The following KLF3 variants were observed in gnomAD, a reference collection of about 807,000 sequenced individuals.
KLF3 encodes Krueppel-like factor 3.
Under a neutral mutation model 32.7 loss-of-function variants are expected in KLF3, and 6 were observed. The observed-to-expected ratio is 0.18, with a 90% CI of 0.10 to 0.36. The LOEUF (loss-of-function observed/expected upper bound fraction) is 0.36, where lower values mean the gene tolerates loss of function less well. Among genes scored for constraint, KLF3 ranks in the 10% least tolerant of loss-of-function variants. The pLI is 1.00. For missense variants in KLF3, 338 were observed against 449.7 expected (o/e 0.75, Z 2.25); for synonymous variants, 145 against 172.8 (o/e 0.84, Z 1.26).
At chr4:38,690,009 A>G in intron 4 of KLF3, 130 bp downstream of exon 4, 1 of 833,100 alleles carries the variant, frequency 1.2e-6, no homozygotes, top group South Asian at 1.9e-5. Context: ...TGTGGCCGCC[A>G]CTGGTCCAGT....
rs552122055 is a variant in KLF3, at chr4:38,683,886, T to C, written c.57+3204T>C. On this transcript the variant is annotated intron_variant, in intron 2 of 5. Coordinates refer to ENST00000261438, the MANE Select transcript of KLF3 (RefSeq NM_016531.6). ...CTCTGCTCTTTTCTAACAGAAACTT[T>C]TCATGGCTTTTTCAAGCCTGGTGGA... Among the ~76,000 whole-genome samples, 144 of 152,286 alleles carry C rather than the reference T, an allele frequency of 9.5e-4. 1 individual carries two copies. The South Asian group carries it at 0.027, about 29-fold the overall frequency.
intron 1 of KLF3, among the ~76,000 whole-genome samples, chr4:38,668,247 G>T (rs1722099354): frequency 6.6e-6 from 1 of 151,696 alleles, no homozygotes; most frequent in Admixed American, 6.6e-5. Flanking sequence ...GTTTTCTGTT[G>T]GTTCTTGAGA....
At position 38,689,830 on chromosome 4, in the gene KLF3, T is replaced by TGTG; in HGVS notation, c.646_647insGTG (p.Ser216delinsCysAla). The TGTG allele has an allele frequency of 3.1e-6, 5 of 1,607,214 alleles. No homozygotes were observed. The highest frequency in any genetic ancestry group is 4.3e-6 in the Non-Finnish European group (5 of 1,174,444). On this transcript the variant is annotated protein_altering_variant, in exon 4 of 6. Coordinates refer to ENST00000261438, the MANE Select transcript of KLF3 (RefSeq NM_016531.6). The stretch of plus-strand genomic sequence containing the variant: ...GACAGATTATTATCCTGAAGAAATG[T>TGTG]CACCCCCCTTAATGAACTCAGTGTC...
intron 1 of KLF3, among the ~76,000 whole-genome samples, chr4:38,670,919 C>CT (rs2109237918): frequency 6.6e-6 from 1 of 152,338 alleles, no homozygotes; most frequent in African/African-American, 2.4e-5. Flanking sequence ...AATCATTACT[C>CT]TGAGTTATGC....
At chr4:38,689,190 A>G in intron 3 of KLF3, 119 bp downstream of exon 3, 1 of 1,270,586 alleles carries the variant, frequency 7.9e-7, no homozygotes, top group Non-Finnish European at 1.1e-6. Flanking sequence ...GGAAATACTC[A>G]TCTGCCTAAG....
chr4:38,694,731 C>T lies in KLF3; in HGVS notation c.696-15C>T. 1.3e-6 allele frequency: 2 copies of T among 1,544,216 alleles called. No homozygotes were observed. The highest frequency in any genetic ancestry group is 4.9e-5 in the East Asian group (2 of 41,212). On this transcript the variant is annotated splice_polypyrimidine_tract_variant and intron_variant, in intron 4 of 5. Transcript: ENST00000261438. ...CGTGCTCTCAACATTTGGCCTGTAA[C>T]CTTGGCTTTCACAGGAATCACCCTT... is the stretch of plus-strand genomic sequence containing the variant.
chr4:38,668,909 G>T (rs1170554233), intron 1 of KLF3, among the ~76,000 whole-genome samples: 2 of 152,158 alleles, frequency 1.3e-5, no homozygotes, highest in Non-Finnish European at 2.9e-5. Context: ...TCTTATAGTT[G>T]CTATGATTAC....
At chr4:38,694,268 T>A (rs1489244479) in intron 4 of KLF3, among the ~76,000 whole-genome samples, 2 of 152,192 alleles carry the variant, frequency 1.3e-5, no homozygotes, top group Non-Finnish European at 2.9e-5. Flanking sequence ...TTTGATCTTT[T>A]CCATTTTTCC....
At chr4:38,686,937 G>T (rs1461196905) in intron 2 of KLF3, among the ~76,000 whole-genome samples, 1 of 152,204 alleles carries the variant, frequency 6.6e-6, no homozygotes, top group African/African-American at 2.4e-5. Context: ...ATAACCAGCC[G>T]AGGATTCGCC....
At chr4:38,692,116 G>A (rs1388797671) in intron 4 of KLF3, among the ~76,000 whole-genome samples, 1 of 152,166 alleles carries the variant, frequency 6.6e-6, no homozygotes, top group Non-Finnish European at 1.5e-5. Flanking sequence ...AAAAGCATAA[G>A]GATCAGATTT....
intron 2 of KLF3, among the ~76,000 whole-genome samples, chr4:38,683,937 A>G (rs75023191): frequency 6.6e-6 from 1 of 152,082 alleles, no homozygotes; most frequent in African/African-American, 2.4e-5. Flanking sequence ...CTCTGTTTGC[A>G]TGGGGGTGCA....
At position 38,701,400 on chromosome 4, in the gene KLF3, C is replaced by T. The variant is rs1397590487; in HGVS notation, c.*4137C>T. Among the ~76,000 whole-genome samples, 4 of 152,126 alleles carry T rather than the reference C, an allele frequency of 2.6e-5. No homozygotes were observed. Among genetic ancestry groups the T allele is most frequent in the Admixed American group, 1.3e-4 (2 of 15,260 alleles). ...ACTTGCAGCATTTTGTATTAAAAGA[C>T]GCATGTGTATAATACTTTAAACTTT... On this transcript the variant is annotated 3_prime_UTR_variant, in exon 6 of 6. Coordinates refer to ENST00000261438, the MANE Select transcript of KLF3 (RefSeq NM_016531.6).
At chr4:38,684,981 G>A (rs1023556862) in intron 2 of KLF3, among the ~76,000 whole-genome samples, 2 of 152,186 alleles carry the variant, frequency 1.3e-5, no homozygotes, top group African/African-American at 4.8e-5. Context: ...GGACTAAGCA[G>A]CATGCACAGA....
At position 38,700,027 on chromosome 4, in the gene KLF3, TTC is replaced by T. The variant is rs1438443152; in HGVS notation, c.*2766_*2767del. The stretch of plus-strand genomic sequence containing the variant: ...AAACATGAAGTTACTATTACGTAAA[TTC>T]TGTTTGTTATAGAGTTTCTTCAGTT... On this transcript the variant is annotated 3_prime_UTR_variant, in exon 6 of 6. Transcript: ENST00000261438. The T allele has an allele frequency of 2.6e-5, 4 of 152,240 alleles. No individual in the cohort carries two copies. Among genetic ancestry groups the T allele is most frequent in the South Asian group, 4.1e-4 (2 of 4,830 alleles). 9.4% of individuals were successfully genotyped at this position (152,240 alleles called of 1,614,324 possible). A position where few individuals can be genotyped will look rare whatever the true frequency, so the allele number is the denominator to read the frequency against.
Position 38,689,029 on chromosome 4 carries a change from T to C in KLF3, c.502T>C (p.Ser168Pro), listed in dbSNP as rs1293934980. 2 of 1,614,048 alleles carry C rather than the reference T, an allele frequency of 1.2e-6. No individual in the cohort carries two copies. The highest frequency in any genetic ancestry group is 1.3e-5 in the African/African-American group (1 of 74,944). The change falls in exon 3 of 6, where the codon TCC (serine) becomes CCC (proline). Residue 168 changes from serine (S) to proline (P), a missense_variant. Ser to Pro is a moderately conservative substitution (Grantham distance 74). Transcript: ENST00000261438. ...TSHLQQPLMV[S>P]LSEEMENSSS... ...TCACCTCCAGCAGCCTCTCATGGTC[T>C]CCTTATCGGAGGAGATGGAAAATTC...
At position 38,694,932 on chromosome 4, in the gene KLF3, A is replaced by G. The variant is rs752825152; in HGVS notation, c.856+26A>G. 1.9e-6 allele frequency: 3 copies of G among 1,566,724 alleles called. No homozygotes were observed. In the South Asian group the frequency reaches 3.7e-5, roughly 19 times the overall value. ...GTAATAGAAACACCAGACCCACTTC[A>G]TCTTTCTTCTTAAGAAGTATTAGAA... On this transcript the variant is annotated intron_variant, in intron 5 of 5. Transcript: ENST00000261438.
At chr4:38,693,373 A>T (rs189438442) in intron 4 of KLF3, among the ~76,000 whole-genome samples, 1 of 151,634 alleles carries the variant, frequency 6.6e-6, no homozygotes, top group East Asian at 1.9e-4. Flanking sequence ...CATGAGAAGT[A>T]AGGTCACTTA....
In KLF3 at chr4:38,689,812, T is replaced by G. The variant is rs2109253006; in HGVS notation, c.628T>G (p.Tyr210Asp). The change falls in exon 4 of 6, where the codon TAT (tyrosine) becomes GAT (aspartate). Residue 210 changes from tyrosine (Y) to aspartate (D), a missense_variant. Tyr to Asp is a radical substitution (Grantham distance 160). Coordinates refer to ENST00000261438, the MANE Select transcript of KLF3 (RefSeq NM_016531.6). ...EPGIEPQRTD[Y>D]YPEEMSPPLM... ...TGGGATCGAACCACAGAGGACAGAT[T>G]ATTATCCTGAAGAAATGTCACCCCC... The G allele has an allele frequency of 6.2e-7, 1 of 1,613,766 alleles. No homozygotes were observed. Among genetic ancestry groups the G allele is most frequent in the South Asian group, 1.1e-5 (1 of 91,040 alleles).
chr4:38,690,154 G>T lies in KLF3; in HGVS notation c.695+275G>T, dbSNP rs182382323. The T allele has an allele frequency of 3.8e-4, 143 of 380,998 alleles. 1 individual carries two copies. In the East Asian group the frequency reaches 6.4e-3, roughly 17 times the overall value. The allele number at this position is 380,998 out of a possible 1,614,324, so 23.6% of individuals were successfully genotyped here. A position where few individuals can be genotyped will look rare whatever the true frequency, so the allele number is the denominator to read the frequency against. The stretch of plus-strand genomic sequence containing the variant: ...GCACCTTACCACATGAATTATTTTT[G>T]TTTTTTTTCCATTCTTCCAGGCTAT... On this transcript the variant is annotated intron_variant, in intron 4 of 5. Transcript: ENST00000261438.
Sources: allele counts gnomAD v4.1 joint callset (sites outside exome capture counted in the v4.1 genomes callset), GRCh38; gene constraint gnomAD v4.1.1; transcripts MANE v1.5; gene names NCBI Gene and HGNC (gene_info 2026-07-23, HGNC 2026-07-21).